The following WNK1 variants were observed in gnomAD, a reference collection of about 807,000 sequenced individuals.
WNK1 encodes the protein serine/threonine-protein kinase WNK1.
Under a neutral mutation model 222.8 loss-of-function variants are expected in WNK1, and 38 were observed. The observed-to-expected ratio is 0.17, with a 90% CI of 0.13 to 0.22. The LOEUF is 0.22. Among genes scored for constraint, WNK1 ranks in the 10% least tolerant of loss-of-function variants. WNK1 has a pLI of 1.00. For missense variants in WNK1, 2,348 were observed against 2,918.4 expected (o/e 0.80, Z 4.50); for synonymous variants, 1,090 against 1,092.9 (o/e 1.00, Z 0.05).
chr12:884,848 C>T lies in WNK1; in HGVS notation c.4044C>T (p.Thr1348=), dbSNP rs10849577. ...PFLSSIAGVP[T]TAAATAPVPA... ...TAAGTAGCATTGCTGGAGTCCCAAC[C>T]ACAGCAGCAGCCACAGCACCAGTCC... Residue 1348 remains threonine (T), a synonymous_variant, in exon 19 of 28, where the codon ACC becomes ACT. Coordinates refer to ENST00000315939, the MANE Select transcript of WNK1 (RefSeq NM_018979.4). The surrounding 1 kb of genome is among the most constrained non-coding windows in gnomAD (Gnocchi z 5.6). 234,930 of 1,613,942 alleles carry T rather than the reference C, an allele frequency of 0.15. 18,273 individuals carry two copies. Among genetic ancestry groups the T allele is most frequent in the Middle Eastern group, 0.21 (1,294 of 6,058 alleles).
Position 907,024 on chromosome 12 carries a change from T to TAAAAAAA in WNK1, c.6644-815_6644-809dup, listed in dbSNP as rs67823034. 2.7e-4 allele frequency among the ~76,000 whole-genome samples: 13 copies of TAAAAAAA among 47,430 alleles called. 1 individual carries two copies. The highest frequency in any genetic ancestry group is 3.6e-4 in the Admixed American group (1 of 2,788). The allele number at this position is 47,430 out of a possible 152,430, so 31.1% of individuals were successfully genotyped here. ...ACAGAAAAAGAAGAGACCCTTCCTT[T>TAAAAAAA]AAAAAAAAAAAAAAGCCGGGCGTGG... On this transcript the variant is annotated intron_variant, in intron 26 of 27. Coordinates refer to ENST00000315939, the MANE Select transcript of WNK1 (RefSeq NM_018979.4).
intron 1 of WNK1, among the ~76,000 whole-genome samples, chr12:774,843 T>C (rs1455452819): frequency 5.3e-5 from 8 of 152,218 alleles, no homozygotes; most frequent in Admixed American, 5.2e-4. Flanking sequence ...TCTTTTGTTA[T>C]ATTTTTGCCT....
chr12:781,441 G>T (rs1943698162), intron 1 of WNK1, among the ~76,000 whole-genome samples: 1 of 152,192 alleles, frequency 6.6e-6, no homozygotes, highest in African/African-American at 2.4e-5. Context: ...TTTAGCTGCT[G>T]TCACTGTTCA....
At chr12:784,801 C>A (rs10774461) in intron 1 of WNK1, among the ~76,000 whole-genome samples, 73,603 of 151,928 alleles carry the variant, frequency 0.48, 18,244 homozygotes, top group East Asian at 0.78. Context: ...CATTCATTCT[C>A]ATTTTGGAGA....
intron 9 of WNK1, among the ~76,000 whole-genome samples, chr12:876,138 G>A (rs1360407197): frequency 3.3e-5 from 5 of 152,110 alleles, no homozygotes; most frequent in Admixed American, 2.6e-4. Flanking sequence ...GCCGGGGCGC[G>A]GTGGCTCACG....
chr12:869,897 ATTTAAT>A lies in WNK1; in HGVS notation c.2140-1363_2140-1358del, dbSNP rs1451947972. ...TTAGGCCTTGTATTTTCCTCAACAA[ATTTAAT>A]TTTAGTTATTTATGTGTATGAGCAT... On this transcript the variant is annotated intron_variant, in intron 8 of 27. Coordinates refer to ENST00000315939, the MANE Select transcript of WNK1 (RefSeq NM_018979.4). Among the ~76,000 whole-genome samples the A allele has an allele frequency of 3.3e-5, 5 of 152,090 alleles. No individual in the cohort carries two copies. In the East Asian group the frequency reaches 5.8e-4, roughly 18 times the overall value.
At chr12:823,403 A>G (rs1411995813) in intron 2 of WNK1, among the ~76,000 whole-genome samples, 1 of 152,036 alleles carries the variant, frequency 6.6e-6, no homozygotes, top group East Asian at 1.9e-4. Flanking sequence ...TAGGACTCCC[A>G]TTGTGTATAT....
rs751552421 is a variant in WNK1, at chr12:813,833, C to A, written c.932+19C>A. ...TTAAAACGTAAGTTCATCAGTATTA[C>A]AAAAGCTGACCAAGAAGTATGAGAG... is the stretch of plus-strand genomic sequence containing the variant. On this transcript the variant is annotated intron_variant, in intron 2 of 27. Transcript: ENST00000315939. The A allele has an allele frequency of 6.2e-7, 1 of 1,612,266 alleles. No homozygotes were observed. Among genetic ancestry groups the A allele is most frequent in the African/African-American group, 1.3e-5 (1 of 74,884 alleles).
intron 2 of WNK1, among the ~76,000 whole-genome samples, chr12:826,359 C>T (rs1362179585): frequency 2.0e-5 from 3 of 152,336 alleles, no homozygotes; most frequent in South Asian, 2.1e-4. Flanking sequence ...CAGCACTGTT[C>T]TTGATGCTGT....
chr12:830,544 T>G (rs543604925), intron 4 of WNK1, among the ~76,000 whole-genome samples: 1 of 152,360 alleles, frequency 6.6e-6, no homozygotes, highest in South Asian at 2.1e-4. Context: ...GTTCACTGAC[T>G]TTTCTCTGAA....
chr12:900,016 CTTTTT>C (rs11433731), intron 25 of WNK1, among the ~76,000 whole-genome samples: 1 of 119,642 alleles, frequency 8.4e-6, no homozygotes, highest in Non-Finnish European at 1.7e-5. Flanking sequence ...GGATTCTTTT[CTTTTT>C]TTTTTTTTTT....
At chr12:785,242 C>CT (rs1383355621) in intron 1 of WNK1, among the ~76,000 whole-genome samples, 1 of 151,926 alleles carries the variant, frequency 6.6e-6, no homozygotes, top group South Asian at 2.1e-4. Flanking sequence ...TCCATTGTGG[C>CT]TTTTTGTCTG....
intron 1 of WNK1, among the ~76,000 whole-genome samples, chr12:809,064 T>G (rs530221904): frequency 2.6e-5 from 4 of 152,060 alleles, no homozygotes; most frequent in Admixed American, 6.5e-5. Flanking sequence ...GCACCTGGCC[T>G]CCTATCTCTC....
chr12:869,280 A>G (rs1332270872), intron 8 of WNK1: 2 of 844,106 alleles, frequency 2.4e-6, no homozygotes, highest in South Asian at 1.8e-5. Context: ...TTTAAAAACA[A>G]AATGTGAGAG....
rs1480577486 is a variant in WNK1, at chr12:885,916, T to C, written c.5112T>C (p.Thr1704=). The change falls in exon 19 of 28, where the codon ACT becomes ACC. Residue 1704 remains threonine (T), a synonymous_variant. Transcript: ENST00000315939. ...CTGTTGCACCAAGCAAACTCCTGAC[T>C]TCTACCACAAGTACTTGCTTACCAC... ...TTAVAPSKLL[T]STTSTCLPPT... The C allele has an allele frequency of 6.2e-7, 1 of 1,605,844 alleles. No homozygotes were observed. Among genetic ancestry groups the C allele is most frequent in the Admixed American group, 1.7e-5 (1 of 59,312 alleles).
chr12:834,507 A>G (rs1478131055), intron 4 of WNK1, among the ~76,000 whole-genome samples: 1 of 152,156 alleles, frequency 6.6e-6, no homozygotes, highest in African/African-American at 2.4e-5. Context: ...TGGGCTTGTG[A>G]CATGGTATAA....
At chr12:869,283 T>G (rs1951941897) in intron 8 of WNK1, 1 of 822,328 alleles carries the variant, frequency 1.2e-6, no homozygotes, top group Non-Finnish European at 2.0e-6. Flanking sequence ...AAAAACAAAA[T>G]GTGAGAGAAG....
chr12:834,056 A>G (rs1949003620), intron 4 of WNK1, among the ~76,000 whole-genome samples: 1 of 152,238 alleles, frequency 6.6e-6, no homozygotes, highest in African/African-American at 2.4e-5. Context: ...AGATTTCACA[A>G]AAAGAGCTGT....
Position 911,105 on chromosome 12 carries a change from T to C in WNK1, c.*2313T>C, listed in dbSNP as rs995380278. ...AAAAGTCAGAACTGGTGTTATTTACTGTTGATTTCATCCTCCTGTGTATGA... is the reference window on the plus strand; with the variant it reads ...AAAAGTCAGAACTGGTGTTATTTACCGTTGATTTCATCCTCCTGTGTATGA... On this transcript the variant is annotated 3_prime_UTR_variant, in exon 28 of 28. Coordinates refer to ENST00000315939, the MANE Select transcript of WNK1 (RefSeq NM_018979.4). 2 of 394,200 alleles carry C rather than the reference T, an allele frequency of 5.1e-6. No individual in the cohort carries two copies. The highest frequency in any genetic ancestry group is 7.2e-5 in the East Asian group (2 of 27,732). 24.4% of individuals were successfully genotyped at this position (394,200 alleles called of 1,614,324 possible).
Sources: gnomAD v4.1 joint callset for allele counts (sites outside exome capture counted in the v4.1 genomes callset) on GRCh38, gnomAD v4.1.1 for gene constraint, Gnocchi (gnomAD v3.1) non-coding constraint, MANE v1.5 for transcripts, NCBI Gene and HGNC (gene_info 2026-07-23, HGNC 2026-07-21) for gene names.